ZBTB38: variants seen among roughly 807,000 people sequenced by gnomAD.
ZBTB38 encodes the protein zinc finger and BTB domain containing 38.
In ZBTB38, 20 loss-of-function variants were observed where a neutral mutation model predicts 76.8. The ratio of observed to expected loss-of-function variants is 0.26; its 90% CI spans 0.18 to 0.38. The LOEUF (loss-of-function observed/expected upper bound fraction) is 0.38, where lower values mean the gene tolerates loss of function less well. Among genes scored for constraint, ZBTB38 ranks in the 10% least tolerant of loss-of-function variants. The probability of loss-of-function intolerance (pLI) is 1.00; values close to 1 mark genes in which losing one functional copy is unlikely to be tolerated. For missense variants in ZBTB38, 1,082 were observed against 1,482.3 expected (o/e 0.73, Z 4.43); for synonymous variants, 504 against 544.2 (o/e 0.93, Z 1.03).
chr3:141,330,614 C>G (rs78888181), intron 1 of ZBTB38, among the ~76,000 whole-genome samples: 3 of 152,362 alleles, frequency 2.0e-5, no homozygotes, highest in Non-Finnish European at 4.4e-5. Context: ...TCTTGCCACC[C>G]TGCCCAAATG....
At chr3:141,371,071 T>TC (rs869104925) in intron 2 of ZBTB38, among the ~76,000 whole-genome samples, 1 of 134,474 alleles carries the variant, frequency 7.4e-6, no homozygotes, top group Admixed American at 7.8e-5. Context: ...TTTTTTTTTT[T>TC]GAGGCAGAGT....
chr3:141,427,486 A>AG (rs1273997325), intron 5 of ZBTB38: 1 of 152,348 alleles, frequency 6.6e-6, no homozygotes, highest in Non-Finnish European at 1.5e-5. Context: ...GGCACACTCA[A>AG]GGAACAGAAG....
At chr3:141,366,857 C>A (rs1943989302), upstream of ZBTB38, 1 of 152,164 alleles carries the variant, frequency 6.6e-6, no homozygotes, top group Non-Finnish European at 1.5e-5. Context: ...GAATCATAAA[C>A]CACAGAGGGA....
Position 141,443,923 on chromosome 3 carries a change from G to T in ZBTB38, c.1535G>T (p.Gly512Val). The T allele has an allele frequency of 6.2e-7, 1 of 1,614,122 alleles. No homozygotes were observed. Among genetic ancestry groups the T allele is most frequent in the South Asian group, 1.1e-5 (1 of 91,074 alleles). Residue 512 changes from glycine (G) to valine (V), a missense_variant, in exon 6 of 6, where the codon GGA becomes GTA. Physicochemically the swap from Gly to Val is moderately radical, Grantham distance 109. Around this residue, in one of 8 missense-constraint regions of ZBTB38, gnomAD observed 60 missense variants for 126.0 expected, o/e 0.48. Transcript: ENST00000321464. This position sits in a 1 kb window ranked among gnomAD's most constrained non-coding sequence, Gnocchi z 5.6. Reference sequence around the variant, plus strand: ...ACAAGGCATGAAATTTGGCATACGGGAGAAAGACGATATCAGTGCATTTTC... The same window carrying T: ...ACAAGGCATGAAATTTGGCATACGGTAGAAAGACGATATCAGTGCATTTTC... ...YRTRHEIWHT[G>V]ERRYQCIFCL...
intron 1 of ZBTB38, among the ~76,000 whole-genome samples, chr3:141,352,595 A>C (rs1943549256): frequency 6.6e-6 from 1 of 152,124 alleles, no homozygotes; most frequent in African/African-American, 2.4e-5. Flanking sequence ...ATGATGGTAT[A>C]CATGGGTGAA....
At chr3:141,408,406 G>T (rs1166151847) in intron 5 of ZBTB38, among the ~76,000 whole-genome samples, 1 of 152,170 alleles carries the variant, frequency 6.6e-6, no homozygotes, top group African/African-American at 2.4e-5. Context: ...AATTAGCCAG[G>T]CATGGTGGCG....
chr3:141,443,097 G>A lies in ZBTB38; in HGVS notation c.709G>A (p.Val237Ile). 2 of 1,614,224 alleles carry A rather than the reference G, an allele frequency of 1.2e-6. No homozygotes were observed. Among genetic ancestry groups the A allele is most frequent in the South Asian group, 2.2e-5 (2 of 91,088 alleles). The change falls in exon 6 of 6, where the codon GTA (valine) becomes ATA (isoleucine). Residue 237 changes from valine to isoleucine, a missense_variant. Val to Ile is a conservative substitution (Grantham distance 29). Coordinates refer to ENST00000321464, the MANE Select transcript of ZBTB38 (RefSeq NM_001376113.1). This position sits in a 1 kb window ranked among gnomAD's most constrained non-coding sequence, Gnocchi z 5.6. ...AGCTGAAGCTTACAGAAGTCAGCCT[G>A]TACGTGAACATGATGGCAGTTCACC... ...SVAEAYRSQP[V>I]REHDGSSPGN...
rs1039913461 is a variant in ZBTB38 at position 141,448,716 on chromosome 3, T to A, written c.*2740T>A. 6.6e-6 allele frequency: 1 copy of A among 152,242 alleles called. No homozygotes were observed. Among genetic ancestry groups the A allele is most frequent in the Non-Finnish European group, 1.5e-5 (1 of 68,038 alleles). The allele number at this position is 152,242 out of a possible 1,614,324, so 9.4% of individuals were successfully genotyped here. A position where few individuals can be genotyped will look rare whatever the true frequency, so the allele number is the denominator to read the frequency against. ...CTTATTCCTACATTAAGTCTCTTTT[T>A]AAATGTTTTCATGTTATTTCTTTTG... is the stretch of plus-strand genomic sequence containing the variant. On this transcript the variant is annotated 3_prime_UTR_variant, in exon 6 of 6. Coordinates refer to ENST00000321464, the MANE Select transcript of ZBTB38 (RefSeq NM_001376113.1).
chr3:141,385,616 CAT>C (rs1299423598), intron 3 of ZBTB38, among the ~76,000 whole-genome samples: 2 of 150,814 alleles, frequency 1.3e-5, no homozygotes, highest in African/African-American at 4.9e-5. Context: ...TTTTGTTCCA[CAT>C]GTTAAACATT....
intron 1 of ZBTB38, among the ~76,000 whole-genome samples, chr3:141,344,726 A>T (rs1236733014): frequency 2.0e-5 from 3 of 152,134 alleles, no homozygotes. Flanking sequence ...CTTCATAGTC[A>T]TGTCTCTCTC....
Position 141,448,550 on chromosome 3 carries a change from C to T in ZBTB38, c.*2574C>T, listed in dbSNP as rs1460265011. Reference sequence around the variant, plus strand: ...AACAGTGAACATACTGTATGCTGTACAAGATATAATGTAACTTGCTGTTTT... The same window carrying T: ...AACAGTGAACATACTGTATGCTGTATAAGATATAATGTAACTTGCTGTTTT... On this transcript the variant is annotated 3_prime_UTR_variant, in exon 6 of 6. Transcript: ENST00000321464. 1 of 152,400 alleles carries T rather than the reference C, an allele frequency of 6.6e-6. No homozygotes were observed. The highest frequency in any genetic ancestry group is 1.5e-5 in the Non-Finnish European group (1 of 68,004). The allele number at this position is 152,400 out of a possible 1,614,324, so 9.4% of individuals were successfully genotyped here.
intron 1 of ZBTB38, among the ~76,000 whole-genome samples, chr3:141,356,499 T>C (rs1943668810): frequency 6.6e-6 from 1 of 152,104 alleles, no homozygotes; most frequent in South Asian, 2.1e-4. Context: ...TGGTCGACCA[T>C]AAAGACTGAC....
chr3:141,444,804 A>C lies in ZBTB38; in HGVS notation c.2416A>C (p.Thr806Pro), dbSNP rs2080874097. 3.7e-6 allele frequency: 6 copies of C among 1,614,212 alleles called. No homozygotes were observed. Among genetic ancestry groups the C allele is most frequent in the Non-Finnish European group, 5.1e-6 (6 of 1,180,050 alleles). Reference sequence around the variant, plus strand: ...TCCTGGAGGATCACTGAGCAAAACCACAAATATTGCTGAAGAAACCAGCAA... The same window carrying C: ...TCCTGGAGGATCACTGAGCAAAACCCCAAATATTGCTGAAGAAACCAGCAA... Reference protein sequence around the residue: ...ADPGGSLSKTTNIAEETSKIE... With the variant: ...ADPGGSLSKTPNIAEETSKIE... Residue 806 changes from threonine to proline, a missense_variant, in exon 6 of 6, where the codon ACA becomes CCA. Physicochemically the swap from Thr to Pro is conservative, Grantham distance 38 (BLOSUM62 -1). Coordinates refer to ENST00000321464, the MANE Select transcript of ZBTB38 (RefSeq NM_001376113.1). This position sits in a 1 kb window ranked among gnomAD's most constrained non-coding sequence, Gnocchi z 5.1.
intron 1 of ZBTB38, among the ~76,000 whole-genome samples, chr3:141,354,724 C>G (rs1025046508): frequency 1.3e-5 from 2 of 152,150 alleles, no homozygotes; most frequent in African/African-American, 4.8e-5. Flanking sequence ...TCTCAGAATA[C>G]TTAACACATT....
chr3:141,330,328 A>G (rs1200975356), intron 1 of ZBTB38, among the ~76,000 whole-genome samples: 1 of 152,216 alleles, frequency 6.6e-6, no homozygotes, highest in Non-Finnish European at 1.5e-5. Context: ...TTTGCCCCCC[A>G]GAGCCTTGGG....
intron 4 of ZBTB38, among the ~76,000 whole-genome samples, chr3:141,398,992 G>C (rs1255804338): frequency 1.3e-5 from 2 of 151,644 alleles, no homozygotes; most frequent in Non-Finnish European, 2.9e-5. Flanking sequence ...GTAAAATTTT[G>C]TTGAAGAAAC....
chr3:141,421,063 GAGCACTT>G (rs2075247509), intron 5 of ZBTB38, among the ~76,000 whole-genome samples: 1 of 150,310 alleles, frequency 6.7e-6, no homozygotes, highest in South Asian at 2.1e-4. Context: ...ATCAATTATT[GAGCACTT>G]ACTACTTGCT....
intron 4 of ZBTB38, among the ~76,000 whole-genome samples, chr3:141,395,725 T>G (rs920889701): frequency 8.5e-5 from 13 of 152,202 alleles, no homozygotes; most frequent in Non-Finnish European, 5.9e-5. Context: ...TTTCACATCA[T>G]GAAATACTGG....
At chr3:141,366,159 A>G (rs1943958254), upstream of ZBTB38, 1 of 152,236 alleles carries the variant, frequency 6.6e-6, no homozygotes, top group Admixed American at 6.5e-5. Flanking sequence ...ACCCCAGAGC[A>G]TATAACCCAA....
Sources: gnomAD v4.1 joint callset for allele counts (sites outside exome capture counted in the v4.1 genomes callset) on GRCh38, gnomAD v4.1.1 for gene constraint, gnomAD v4.1.1 regional missense constraint, Gnocchi (gnomAD v3.1) non-coding constraint, MANE v1.5 for transcripts, NCBI Gene and HGNC (gene_info 2026-07-23, HGNC 2026-07-21) for gene names.